Variants in ADK observed in about 807,000 individuals in gnomAD.
The protein encoded by ADK is N6,N6-dimethyladenosine kinase.
In ADK, 24 loss-of-function variants were observed where a neutral mutation model predicts 44.7. That is an observed-to-expected ratio of 0.54 (90% CI 0.39 to 0.76). The LOEUF is 0.76. Ranked by LOEUF, ADK falls within the 30% of genes least tolerant of loss-of-function variation. The pLI, the probability that ADK is intolerant of heterozygous loss-of-function variation, is 0.00. For missense variants in ADK, 321 were observed against 425.1 expected (o/e 0.76, Z 2.15); for synonymous variants, 128 against 142.6 (o/e 0.90, Z 0.73).
At chr10:74,661,314 G>A in intron 9 of ADK, 5 of 968,680 alleles carry the variant, frequency 5.2e-6, no homozygotes, top group Non-Finnish European at 6.1e-6. Flanking sequence ...TTACTTGAAT[G>A]ACAACTTTGG....
chr10:74,481,763 G>C (rs566985053), intron 6 of ADK, among the ~76,000 whole-genome samples: 2 of 151,828 alleles, frequency 1.3e-5, no homozygotes, highest in South Asian at 4.2e-4. Flanking sequence ...CTTCGAATAT[G>C]GTATTTTCCT....
At chr10:74,659,490 G>A (rs77581303) in intron 9 of ADK, among the ~76,000 whole-genome samples, 2,667 of 152,266 alleles carry the variant, frequency 0.018, 71 homozygotes, top group African/African-American at 0.061. Context: ...TAGTCTGCAA[G>A]GTCAGAACCA....
At chr10:74,664,508 A>G (rs554110803) in intron 9 of ADK, among the ~76,000 whole-genome samples, 13 of 152,214 alleles carry the variant, frequency 8.5e-5, no homozygotes, top group Non-Finnish European at 1.5e-4. Flanking sequence ...ATACGAATAC[A>G]TTACCTACTC....
At chr10:74,356,002 A>ATATTTTTTT (rs57958159) in intron 4 of ADK, among the ~76,000 whole-genome samples, 10 of 83,310 alleles carry the variant, frequency 1.2e-4, no homozygotes, top group African/African-American at 5.1e-4. Flanking sequence ...TAAATAATTC[A>ATATTTTTTT]TTTTTTTTTT....
At chr10:74,611,056 C>G (rs766555531) in intron 9 of ADK, among the ~76,000 whole-genome samples, 2 of 152,156 alleles carry the variant, frequency 1.3e-5, no homozygotes, top group South Asian at 4.2e-4. Context: ...AAGACCAGGC[C>G]TCGCTCTGTC....
At chr10:74,348,034 A>C (rs1011622259) in intron 4 of ADK, among the ~76,000 whole-genome samples, 1 of 152,150 alleles carries the variant, frequency 6.6e-6, no homozygotes, top group Non-Finnish European at 1.5e-5. Flanking sequence ...TGAAGAGAAC[A>C]GCTGATACTG....
intron 9 of ADK, among the ~76,000 whole-genome samples, chr10:74,624,039 A>G (rs967472794): frequency 3.3e-5 from 5 of 152,182 alleles, no homozygotes; most frequent in African/African-American, 7.2e-5. Flanking sequence ...GTATAGCTGA[A>G]AAGTCTGATT....
intron 4 of ADK, among the ~76,000 whole-genome samples, chr10:74,391,773 G>T (rs892004870): frequency 6.6e-6 from 1 of 150,658 alleles, no homozygotes; most frequent in Admixed American, 6.6e-5. Flanking sequence ...ATTAGTATAC[G>T]CATGTTGTTA....
intron 1 of ADK, among the ~76,000 whole-genome samples, chr10:74,191,045 A>G (rs2132118114): frequency 6.7e-6 from 1 of 149,766 alleles, no homozygotes; most frequent in Admixed American, 6.7e-5. Context: ...CAATGGTGTA[A>G]TTTTGGCTCA....
At chr10:74,627,033 A>G (rs577827339) in intron 9 of ADK, among the ~76,000 whole-genome samples, 1 of 152,338 alleles carries the variant, frequency 6.6e-6, no homozygotes, top group South Asian at 2.1e-4. Context: ...AAGGATCTAC[A>G]TTGCTATTTG....
At chr10:74,608,428 C>A (rs939865421) in intron 9 of ADK, among the ~76,000 whole-genome samples, 1 of 152,048 alleles carries the variant, frequency 6.6e-6, no homozygotes. Flanking sequence ...TGTGGACATC[C>A]TTTTTGTTGA....
chr10:74,523,588 T>G (rs1269719216), intron 6 of ADK, among the ~76,000 whole-genome samples: 10 of 152,172 alleles, frequency 6.6e-5, no homozygotes, highest in Admixed American at 2.0e-4. Context: ...CTCACCTCTT[T>G]CATGACCTTT....
chr10:74,484,591 C>T (rs546410230), intron 6 of ADK, among the ~76,000 whole-genome samples: 22 of 152,168 alleles, frequency 1.4e-4, no homozygotes, highest in Non-Finnish European at 2.6e-4. Flanking sequence ...TTTTGTGAAA[C>T]TTTACCATAC....
chr10:74,159,286 T>C (rs1841831465), intron 1 of ADK, among the ~76,000 whole-genome samples: 1 of 152,262 alleles, frequency 6.6e-6, no homozygotes, highest in South Asian at 2.1e-4. Context: ...TAAGAAATTC[T>C]TGCCTTCTGT....
rs561716483 is a variant in ADK, at chr10:74,222,777, C to T, written c.141-1761C>T. ...ATCACAAGAACAAAAAACCAAACAC[C>T]GCATATTCTCACTCATAGGTGGGAA... is the stretch of plus-strand genomic sequence containing the variant. On this transcript the variant is annotated intron_variant, in intron 2 of 10. Coordinates refer to ENST00000539909, the MANE Select transcript of ADK (RefSeq NM_006721.4). Among the ~76,000 whole-genome samples the T allele has an allele frequency of 3.1e-4, 46 of 148,488 alleles. No individual in the cohort carries two copies. The South Asian group carries it at 7.4e-3, about 24-fold the overall frequency.
intron 10 of ADK, among the ~76,000 whole-genome samples, chr10:74,687,184 T>G (rs975637348): frequency 1.3e-5 from 2 of 152,234 alleles, no homozygotes; most frequent in African/African-American, 2.4e-5. Flanking sequence ...AAGTTTTCAC[T>G]GAAAGTATAG....
chr10:74,201,954 G>A (rs1843412182), intron 2 of ADK, among the ~76,000 whole-genome samples: 2 of 151,912 alleles, frequency 1.3e-5, no homozygotes, highest in Non-Finnish European at 2.9e-5. Flanking sequence ...AAAATTGATC[G>A]TTTTAACCAT....
chr10:74,329,801 A>G (rs1449406476), intron 4 of ADK, among the ~76,000 whole-genome samples: 2 of 152,196 alleles, frequency 1.3e-5, no homozygotes, highest in East Asian at 1.9e-4. Flanking sequence ...TGAAGATGGC[A>G]TATGATTTAT....
chr10:74,411,936 A>G (rs1226260834), intron 6 of ADK, among the ~76,000 whole-genome samples: 1 of 152,198 alleles, frequency 6.6e-6, no homozygotes, highest in East Asian at 1.9e-4. Context: ...CATGTCAAGA[A>G]ACCACTCTCT....
Sources: gnomAD v4.1 joint callset for allele counts (sites outside exome capture counted in the v4.1 genomes callset) on GRCh38, gnomAD v4.1.1 for gene constraint, MANE v1.5 for transcripts, NCBI Gene and HGNC (gene_info 2026-07-23, HGNC 2026-07-21) for gene names.